NTRK1: variants seen among roughly 807,000 people sequenced by gnomAD.
NTRK1 encodes neurotrophic receptor tyrosine kinase 1.
A neutral mutation model predicts 86.8 loss-of-function variants in NTRK1; 62 were observed. That is an observed-to-expected ratio of 0.71 (90% CI 0.58 to 0.88). The LOEUF (loss-of-function observed/expected upper bound fraction) is 0.88, where lower values mean the gene tolerates loss of function less well. Ranked by LOEUF, NTRK1 falls within the 40% of genes least tolerant of loss-of-function variation. NTRK1 has a pLI of 0.00. For missense variants in NTRK1, 967 were observed against 1,078.4 expected, an observed-to-expected ratio of 0.90 and a Z score of 1.45; for synonymous variants, 469 against 456.6, an observed-to-expected ratio of 1.03 and a Z score of -0.35.
At chr1:156,851,551 T>A (rs571874110) in intron 2 of NTRK1, 30 of 1,606,320 alleles carry the variant, frequency 1.9e-5, no homozygotes, top group Non-Finnish European at 2.6e-5. Context: ...CCCAGGATGA[T>A]GGAAAATTGT....
At chr1:156,881,157 A>C (rs1298235819) in intron 16 of NTRK1, among the ~76,000 whole-genome samples, 1 of 152,156 alleles carries the variant, frequency 6.6e-6, no homozygotes, top group Non-Finnish European at 1.5e-5. Flanking sequence ...TAAATACCTC[A>C]GCCCCTCGCC....
chr1:156,820,551 C>T (rs1472776708), intron 1 of NTRK1, among the ~76,000 whole-genome samples: 1 of 152,186 alleles, frequency 6.6e-6, no homozygotes, highest in East Asian at 1.9e-4. Flanking sequence ...CCAGCCCCCC[C>T]AATGTATGTT....
intron 2 of NTRK1, chr1:156,851,559 T>A (rs753679667): frequency 6.2e-7 from 1 of 1,609,186 alleles, no homozygotes; most frequent in Non-Finnish European, 8.5e-7. Flanking sequence ...GATGGAAAAT[T>A]GTGCTGAGTT....
At chr1:156,836,253 G>A (rs1398706156) in intron 1 of NTRK1, among the ~76,000 whole-genome samples, 1 of 152,178 alleles carries the variant, frequency 6.6e-6, no homozygotes, top group East Asian at 1.9e-4. Context: ...AGAGTTGGGG[G>A]CCACACCCAC....
rs1381250563 is a variant in NTRK1 at position 156,873,841 on chromosome 1, C to T, written c.1059C>T (p.His353=). The stretch of plus-strand genomic sequence containing the variant: ...GTCTGCGCCTCAACCAGCCCACCCA[C>T]GTCAACAACGGCAACTACACGCTGC... The part of the protein sequence containing the change: ...HGCLRLNQPT[H]VNNGNYTLLA... The change falls in exon 8 of 17, where the codon CAC becomes CAT. Residue 353 remains histidine (H), a synonymous_variant. Coordinates refer to ENST00000524377, the MANE Select transcript of NTRK1 (RefSeq NM_002529.4). 3.1e-6 allele frequency: 5 copies of T among 1,610,422 alleles called. No homozygotes were observed. Among genetic ancestry groups the T allele is most frequent in the East Asian group, 2.2e-5 (1 of 44,740 alleles).
chr1:156,874,130 G>A (rs1163042877), intron 8 of NTRK1, 171 bp downstream of exon 8: 6 of 878,396 alleles, frequency 6.8e-6, no homozygotes, highest in Non-Finnish European at 1.1e-5. Flanking sequence ...CCCCAAGCCA[G>A]GACTCCTGAA....
chr1:156,865,025 G>T, intron 3 of NTRK1: 1 of 613,748 alleles, frequency 1.6e-6, no homozygotes, highest in Non-Finnish European at 3.0e-6. Flanking sequence ...CATGGTCCAT[G>T]CTGCAAGGAC....
chr1:156,824,157 C>T (rs1007257382), intron 1 of NTRK1, among the ~76,000 whole-genome samples: 6 of 152,190 alleles, frequency 3.9e-5, no homozygotes, highest in Non-Finnish European at 8.8e-5. Context: ...GGCCAGGTGC[C>T]ACTTCCCTGT....
In NTRK1 at chr1:156,849,016, G is replaced by T. The variant is rs1219819533; in HGVS notation, c.50+6823G>T. The T allele has an allele frequency of 2.5e-6, 4 of 1,613,382 alleles. No homozygotes were observed. The African/African-American group carries it at 5.3e-5, about 22-fold the overall frequency. On this transcript the variant is annotated intron_variant, in intron 2 of 16. Transcript: ENST00000392302. ...GCAGGATGCGGTCTGCCTCCGTCAC[G>T]TTGGACACGAAGCGCAGGGTGCGAG...
intron 1 of NTRK1, among the ~76,000 whole-genome samples, chr1:156,821,619 G>T (rs932196447): frequency 6.6e-6 from 1 of 152,112 alleles, no homozygotes; most frequent in African/African-American, 2.4e-5. Context: ...GGTGAGGAAA[G>T]GAGAAGTGCA....
At chr1:156,841,050 G>C (rs955167012) in intron 1 of NTRK1, 6 of 1,591,810 alleles carry the variant, frequency 3.8e-6, no homozygotes, top group Non-Finnish European at 5.1e-6. Context: ...GAATGTGTGT[G>C]AAAGATGGGC....
chr1:156,879,761 C>G (rs926793651), intron 15 of NTRK1, among the ~76,000 whole-genome samples: 1 of 152,172 alleles, frequency 6.6e-6, no homozygotes, highest in Admixed American at 6.5e-5. Flanking sequence ...AGGCCACACG[C>G]CATCACGCCC....
Position 156,871,775 on chromosome 1 carries a change from C to G in NTRK1, c.850+20C>G, listed in dbSNP as rs1185418254. On this transcript the variant is annotated intron_variant, in intron 7 of 16. Transcript: ENST00000524377. ...TCTCCTGTGAGTCTCAGTGGCAGCT[C>G]CGGCACCCACCCCCTACTCATCTCT... The G allele has an allele frequency of 6.2e-6, 10 of 1,613,994 alleles. No homozygotes were observed. The highest frequency in any genetic ancestry group is 8.5e-6 in the Non-Finnish European group (10 of 1,179,992).
chr1:156,864,307 T>G, intron 1 of NTRK1, 47 bp from the exon 2 acceptor site: 1 of 1,597,820 alleles, frequency 6.3e-7, no homozygotes, highest in Non-Finnish European at 8.6e-7. Flanking sequence ...GCATGGGAAC[T>G]CAAGTGTGGG....
intron 2 of NTRK1, chr1:156,845,258 C>A: frequency 6.2e-7 from 1 of 1,611,770 alleles, no homozygotes; most frequent in Non-Finnish European, 8.5e-7. Context: ...GCCCCCCAGC[C>A]GGAGGGGCCC....
rs565682424 is a variant in NTRK1, at chr1:156,819,951, T to C, written c.-64+4113T>C. On this transcript the variant is annotated intron_variant, in intron 1 of 16. Coordinates refer to the NTRK1 transcript ENST00000392302. ...GTTTACTCTGCTGATTACTTTTTTT[T>C]GCTATGCAGAAGCTTTTTAGTTTAA... Among the ~76,000 whole-genome samples the C allele has an allele frequency of 4.6e-5, 7 of 152,356 alleles. No individual in the cohort carries two copies. In the East Asian group the frequency reaches 1.2e-3, roughly 25 times the overall value.
intron 1 of NTRK1, chr1:156,840,730 T>C: frequency 3.0e-6 from 2 of 676,236 alleles, no homozygotes; most frequent in Admixed American, 4.9e-5. Flanking sequence ...CCCCACAGCC[T>C]TCCCTGCTCC....
Position 156,862,726 on chromosome 1 carries a change from G to A in NTRK1, c.212+1580G>A, listed in dbSNP as rs189546633. On this transcript the variant is annotated intron_variant, in intron 1 of 16. Coordinates refer to ENST00000524377, the MANE Select transcript of NTRK1 (RefSeq NM_002529.4). ...GCTTTGAGGCAGCTTTGAGCACGCT[G>A]GCCTGACAGCTCCCACACACCCTGC... is the stretch of plus-strand genomic sequence containing the variant. 5.1e-3 allele frequency among the ~76,000 whole-genome samples: 780 copies of A among 152,194 alleles called. 8 individuals carry two copies. Among genetic ancestry groups the A allele is most frequent in the African/African-American group, 0.018 (754 of 41,516 alleles).
intron 1 of NTRK1, among the ~76,000 whole-genome samples, chr1:156,818,013 T>C (rs1467581995): frequency 6.6e-6 from 1 of 152,236 alleles, no homozygotes; most frequent in Non-Finnish European, 1.5e-5. Flanking sequence ...CATTTCTCTC[T>C]GAATTTATCT....
Sources: allele counts gnomAD v4.1 joint callset (sites outside exome capture counted in the v4.1 genomes callset), GRCh38; gene constraint gnomAD v4.1.1; transcripts MANE v1.5; gene names NCBI Gene and HGNC (gene_info 2026-07-23, HGNC 2026-07-21).